ZFPM2: variants seen among roughly 807,000 people sequenced by gnomAD.
The protein encoded by ZFPM2 is zinc finger protein, FOG family member 2.
ZFPM2 carries 20 observed loss-of-function variants against 98.6 expected under a neutral mutation model. The ratio of observed to expected loss-of-function variants is 0.20; its 90% CI spans 0.14 to 0.29. ZFPM2 has a LOEUF of 0.29. Ranked by LOEUF, ZFPM2 falls within the 10% of genes least tolerant of loss-of-function variation. The probability of loss-of-function intolerance (pLI) is 1.00; values close to 1 mark genes in which losing one functional copy is unlikely to be tolerated. For missense variants in ZFPM2, 1,310 were observed against 1,388.6 expected (o/e 0.94, Z 0.90); for synonymous variants, 518 against 502.7 (o/e 1.03, Z -0.41).
chr8:105,739,333 A>C (rs1812160987), intron 5 of ZFPM2, among the ~76,000 whole-genome samples: 1 of 152,066 alleles, frequency 6.6e-6, no homozygotes, highest in Non-Finnish European at 1.5e-5. Flanking sequence ...ATAACGAGTA[A>C]ATTAAGTGTA....
At chr8:105,764,834 C>T (rs1812822702) in intron 5 of ZFPM2, among the ~76,000 whole-genome samples, 1 of 151,496 alleles carries the variant, frequency 6.6e-6, no homozygotes, top group Non-Finnish European at 1.5e-5. Context: ...GAAAAAACAC[C>T]AAGTATTTGA....
chr8:105,646,898 C>A (rs191588599), intron 5 of ZFPM2, among the ~76,000 whole-genome samples: 10 of 152,262 alleles, frequency 6.6e-5, no homozygotes, highest in Admixed American at 5.2e-4. Flanking sequence ...GCCCCTGGAT[C>A]TAAAGGCTCT....
At chr8:105,673,847 T>G (rs932996518) in intron 5 of ZFPM2, among the ~76,000 whole-genome samples, 4 of 152,166 alleles carry the variant, frequency 2.6e-5, no homozygotes, top group African/African-American at 9.7e-5. Flanking sequence ...ATTGAATGAG[T>G]AAAGAATGGG....
At chr8:105,373,257 A>G (rs1810659085) in intron 1 of ZFPM2, among the ~76,000 whole-genome samples, 1 of 152,204 alleles carries the variant, frequency 6.6e-6, no homozygotes, top group South Asian at 2.1e-4. Context: ...AGTTAAGCCA[A>G]CCATTCACTG....
At chr8:105,542,750 G>A (rs1814606573) in intron 3 of ZFPM2, among the ~76,000 whole-genome samples, 2 of 152,168 alleles carry the variant, frequency 1.3e-5, no homozygotes, top group African/African-American at 2.4e-5. Context: ...GCAGTTGTAA[G>A]AAATAGTCCA....
chr8:105,663,363 A>T (rs959384097), intron 5 of ZFPM2, among the ~76,000 whole-genome samples: 2 of 152,212 alleles, frequency 1.3e-5, no homozygotes, highest in African/African-American at 4.8e-5. Flanking sequence ...CACAGAATTG[A>T]CCCAACACAC....
chr8:105,579,227 G>A (rs1199944149), intron 4 of ZFPM2, among the ~76,000 whole-genome samples: 5 of 152,058 alleles, frequency 3.3e-5, no homozygotes, highest in African/African-American at 1.2e-4. Context: ...TCTGCAAAGA[G>A]GACATCTTGA....
intron 3 of ZFPM2, among the ~76,000 whole-genome samples, chr8:105,533,127 G>C (rs1005254043): frequency 2.0e-5 from 3 of 152,158 alleles, no homozygotes; most frequent in Admixed American, 1.3e-4. Flanking sequence ...CCATGAAAAA[G>C]ATCCTTACAT....
intron 5 of ZFPM2, among the ~76,000 whole-genome samples, chr8:105,773,868 A>G (rs1221220629): frequency 6.6e-6 from 1 of 152,114 alleles, no homozygotes; most frequent in Non-Finnish European, 1.5e-5. Context: ...AAGTCAACAC[A>G]ATGAAACACA....
chr8:105,357,555 G>A (rs1024768456), intron 1 of ZFPM2, among the ~76,000 whole-genome samples: 4 of 151,406 alleles, frequency 2.6e-5, no homozygotes, highest in African/African-American at 9.7e-5. Flanking sequence ...GAGATGAATT[G>A]GGAGACATTA....
chr8:105,692,528 T>G (rs1489543687), intron 5 of ZFPM2, among the ~76,000 whole-genome samples: 2 of 152,102 alleles, frequency 1.3e-5, no homozygotes, highest in African/African-American at 4.8e-5. Flanking sequence ...TTCATAAGTA[T>G]GTAATTCAAT....
intron 2 of ZFPM2, among the ~76,000 whole-genome samples, chr8:105,422,963 G>T (rs1345189566): frequency 1.3e-5 from 2 of 152,048 alleles, no homozygotes; most frequent in African/African-American, 2.4e-5. Context: ...TTTCAGTGAT[G>T]AACTAAAATT....
At chr8:105,683,383 GT>G (rs1219439309) in intron 5 of ZFPM2, among the ~76,000 whole-genome samples, 1 of 152,116 alleles carries the variant, frequency 6.6e-6, no homozygotes, top group Non-Finnish European at 1.5e-5. Flanking sequence ...TAAAGTGAAT[GT>G]CACCATTCAA....
At chr8:105,366,315 C>T (rs1810508161) in intron 1 of ZFPM2, among the ~76,000 whole-genome samples, 1 of 152,038 alleles carries the variant, frequency 6.6e-6, no homozygotes, top group Non-Finnish European at 1.5e-5. Context: ...AGGGAGAAAT[C>T]CAAGAGTAAA....
chr8:105,524,951 C>T (rs187771172), intron 3 of ZFPM2, among the ~76,000 whole-genome samples: 2 of 152,188 alleles, frequency 1.3e-5, no homozygotes, highest in African/African-American at 2.4e-5. Flanking sequence ...CTTTTCGTCT[C>T]GCTGATGGCA....
intron 3 of ZFPM2, among the ~76,000 whole-genome samples, chr8:105,517,748 G>C (rs1813967152): frequency 1.6e-5 from 1 of 63,676 alleles, no homozygotes; most frequent in Non-Finnish European, 3.5e-5. Context: ...CACACCCCTA[G>C]TTGGGTGTGG....
At chr8:105,438,711 A>G (rs758924911) in intron 2 of ZFPM2, among the ~76,000 whole-genome samples, 4 of 152,206 alleles carry the variant, frequency 2.6e-5, no homozygotes, top group African/African-American at 4.8e-5. Context: ...CGGTATGTTC[A>G]TAGGAACTTA....
At chr8:105,626,239 T>C (rs1251761442) in intron 4 of ZFPM2, among the ~76,000 whole-genome samples, 1 of 152,156 alleles carries the variant, frequency 6.6e-6, no homozygotes, top group Non-Finnish European at 1.5e-5. Context: ...TCGTATAAGG[T>C]CTTGAATTAT....
chr8:105,669,538 G>A (rs13264847), intron 5 of ZFPM2, among the ~76,000 whole-genome samples: 18 of 127,354 alleles, frequency 1.4e-4, no homozygotes, highest in South Asian at 7.2e-4. Context: ...AAGTGTGCAT[G>A]TGTGTGTGTG....
Sources: gnomAD v4.1 joint callset for allele counts (sites outside exome capture counted in the v4.1 genomes callset) on GRCh38, gnomAD v4.1.1 for gene constraint, MANE v1.5 for transcripts, NCBI Gene and HGNC (gene_info 2026-07-23, HGNC 2026-07-21) for gene names.